The following ATP1A2 variants were observed in gnomAD, a reference collection of about 807,000 sequenced individuals.
The protein encoded by ATP1A2 is sodium/potassium-transporting ATPase subunit alpha-2.
Under a neutral mutation model 113.1 loss-of-function variants are expected in ATP1A2, and 56 were observed. The observed-to-expected ratio is 0.49, with a 90% CI of 0.40 to 0.62. The LOEUF is 0.62. Ranked by LOEUF, ATP1A2 falls within the 20% of genes least tolerant of loss-of-function variation. The probability of loss-of-function intolerance (pLI) is 0.00; values close to 1 mark genes in which losing one functional copy is unlikely to be tolerated. For synonymous variants in ATP1A2, 490 were observed against 526.8 expected, an observed-to-expected ratio of 0.93 and a Z score of 0.96; for missense variants, 712 against 1,357.8, an observed-to-expected ratio of 0.52 and a Z score of 7.47.
intron 3 of ATP1A2, 95 bp from the exon 4 acceptor site, chr1:160,123,118 C>A: frequency 7.1e-7 from 1 of 1,417,434 alleles, no homozygotes; most frequent in Non-Finnish European, 9.8e-7. Flanking sequence ...TCCTTCTGGG[C>A]ATTCTTCCCA....
chr1:160,131,347 A>C (rs753281019), intron 13 of ATP1A2, among the ~76,000 whole-genome samples: 1 of 152,190 alleles, frequency 6.6e-6, no homozygotes, highest in South Asian at 2.1e-4. Flanking sequence ...CAAAGAGGGA[A>C]ACTGAGGCAC....
chr1:160,138,060 G>A (rs976810319), intron 20 of ATP1A2, among the ~76,000 whole-genome samples: 4 of 152,198 alleles, frequency 2.6e-5, no homozygotes, highest in Admixed American at 6.5e-5. Flanking sequence ...GATGACACAC[G>A]AAGGTGGGAA....
In ATP1A2 at chr1:160,142,495, A is replaced by G. The variant is rs1201445144; in HGVS notation, c.*1173A>G. On this transcript the variant is annotated 3_prime_UTR_variant, in exon 23 of 23. Coordinates refer to ENST00000361216, the MANE Select transcript of ATP1A2 (RefSeq NM_000702.4). ...ATGAACATGGTCAGAACCTTTGGAC[A>G]AGAGGAAAAATACTAAGAGATTTGC... 1 of 152,292 alleles carries G rather than the reference A, an allele frequency of 6.6e-6. No individual in the cohort carries two copies. The highest frequency in any genetic ancestry group is 1.5e-5 in the Non-Finnish European group (1 of 68,088). 9.4% of individuals were successfully genotyped at this position (152,292 alleles called of 1,614,324 possible). A position where few individuals can be genotyped will look rare whatever the true frequency, so the allele number is the denominator to read the frequency against.
chr1:160,129,962 G>T, intron 11 of ATP1A2, 140 bp from the exon 12 acceptor site: 2 of 1,086,050 alleles, frequency 1.8e-6, no homozygotes, highest in South Asian at 2.7e-5. Flanking sequence ...ACACCCCCCT[G>T]CACAAGGAGA....
intron 3 of ATP1A2, 120 bp downstream of exon 3, chr1:160,121,371 A>G (rs373881736): frequency 1.1e-5 from 14 of 1,226,252 alleles, no homozygotes; most frequent in East Asian, 2.3e-5. Flanking sequence ...ACTGAGGCCC[A>G]GAAACAAGGA....
Position 160,135,712 on chromosome 1 carries a change from A to G in ATP1A2, c.2284+110A>G. 6.2e-7 allele frequency: 1 copy of G among 1,609,766 alleles called. No individual in the cohort carries two copies. The highest frequency in any genetic ancestry group is 8.5e-7 in the Non-Finnish European group (1 of 1,177,310). On this transcript the variant is annotated intron_variant, in intron 16 of 22. Coordinates refer to ENST00000361216, the MANE Select transcript of ATP1A2 (RefSeq NM_000702.4). This position sits in a 1 kb window ranked among gnomAD's most constrained non-coding sequence, Gnocchi z 6.3. ...ATCATTCCACAACTCTAGGCAGCCC[A>G]GCCCACTTTAGCTTCCCTTGAACAC... is the stretch of plus-strand genomic sequence containing the variant.
In ATP1A2 at chr1:160,131,810, G is replaced by A. The variant is rs903128671; in HGVS notation, c.1827+1213G>A. On this transcript the variant is annotated intron_variant, in intron 13 of 22. Transcript: ENST00000361216. ...TAGGCCACTGCACTCCAGCCTAGGC[G>A]ACAAGAGCAAGACTCCATCTCAAAA... 7.3e-5 allele frequency among the ~76,000 whole-genome samples: 11 copies of A among 149,994 alleles called. No homozygotes were observed. In the South Asian group the frequency reaches 8.4e-4, roughly 11 times the overall value.
In ATP1A2 at chr1:160,136,007, G is replaced by A. The variant is rs199676075; in HGVS notation, c.2439+14G>A. The A allele has an allele frequency of 7.4e-6, 12 of 1,614,134 alleles. No individual in the cohort carries two copies. The East Asian group carries it at 1.8e-4, about 24-fold the overall frequency. On this transcript the variant is annotated intron_variant, in intron 17 of 22. Transcript: ENST00000361216. ...GGCACAGATATGGTGAGCGCAGGAG[G>A]TGGAGGAGGGGACAGGCAAGGCAAT...
Position 160,128,977 on chromosome 1 carries a change from C to T in ATP1A2, c.1217-3C>T. The T allele has an allele frequency of 6.2e-7, 1 of 1,601,384 alleles. No individual in the cohort carries two copies. Among genetic ancestry groups the T allele is most frequent in the Non-Finnish European group, 8.5e-7 (1 of 1,173,160 alleles). ...CTCCTGGTTCCCCCTCATTTCCTCCCAGGGGCCACTTTTGACAAACGATCC... is the reference window on the plus strand; with the variant it reads ...CTCCTGGTTCCCCCTCATTTCCTCCTAGGGGCCACTTTTGACAAACGATCC... On this transcript the variant is annotated splice_region_variant and splice_polypyrimidine_tract_variant and intron_variant, in intron 9 of 22. Coordinates refer to ENST00000361216, the MANE Select transcript of ATP1A2 (RefSeq NM_000702.4).
In ATP1A2 at chr1:160,124,553, T is replaced by C. The variant is rs1023420; in HGVS notation, c.630+123T>C. 0.18 allele frequency: 257,086 copies of C among 1,438,180 alleles called. 25,231 individuals carry two copies. The highest frequency in any genetic ancestry group is 0.33 in the East Asian group (13,431 of 40,288). The allele number at this position is 1,438,180 out of a possible 1,614,324, so 89.1% of individuals were successfully genotyped here. The stretch of plus-strand genomic sequence containing the variant: ...GGTCCAAATGTCAACACCATGCCTA[T>C]GCCCCTGCTAAACCTTCTCTCAGTG... On this transcript the variant is annotated intron_variant, in intron 6 of 22. Coordinates refer to ENST00000361216, the MANE Select transcript of ATP1A2 (RefSeq NM_000702.4).
chr1:160,119,068 T>C (rs1651281565), intron 1 of ATP1A2, among the ~76,000 whole-genome samples: 1 of 151,832 alleles, frequency 6.6e-6, no homozygotes, highest in South Asian at 2.1e-4. Context: ...TGCAGGTTCA[T>C]GATTGCAGCA....
chr1:160,131,021 A>C (rs1472645938), intron 13 of ATP1A2, among the ~76,000 whole-genome samples: 2 of 151,822 alleles, frequency 1.3e-5, no homozygotes, highest in Non-Finnish European at 2.9e-5. Flanking sequence ...AATGCCTCCC[A>C]CTCAAGGTTC....
At chr1:160,131,803 C>T (rs893667871) in intron 13 of ATP1A2, among the ~76,000 whole-genome samples, 18 of 151,740 alleles carry the variant, frequency 1.2e-4, no homozygotes, top group Non-Finnish European at 2.4e-4. Context: ...TGCACTCCAG[C>T]CTAGGCGACA....
chr1:160,121,203 G>A lies in ATP1A2; in HGVS notation c.129G>A (p.Lys43=), dbSNP rs61734527. ...CCTCCCTTCCCCAGGATGACCACAA[G>A]CTGTCCTTGGATGAGCTGGGCCGCA... is the stretch of plus-strand genomic sequence containing the variant. ...LKKEVAMDDH[K]LSLDELGRKY... Residue 43 remains lysine (K), a synonymous_variant, in exon 3 of 23, where the codon AAG becomes AAA. Transcript: ENST00000361216. 2,277 of 1,614,216 alleles carry A rather than the reference G, an allele frequency of 1.4e-3. 27 individuals carry two copies. The African/African-American group carries it at 0.026, about 18-fold the overall frequency.
intron 13 of ATP1A2, 49 bp downstream of exon 13, chr1:160,130,646 G>A: frequency 1.9e-6 from 3 of 1,612,866 alleles, no homozygotes; most frequent in South Asian, 1.1e-5. Context: ...CCATGCCAGA[G>A]TTCAAGGAGC....
At chr1:160,118,259 G>T (rs1651252716) in intron 1 of ATP1A2, among the ~76,000 whole-genome samples, 1 of 152,126 alleles carries the variant, frequency 6.6e-6, no homozygotes, top group Admixed American at 6.5e-5. Context: ...TTTCACATCT[G>T]AATATACAGA....
At chr1:160,115,904 T>C in intron 1 of ATP1A2, 31 bp downstream of exon 1, 1 of 1,598,484 alleles carries the variant, frequency 6.3e-7, no homozygotes, top group Non-Finnish European at 8.5e-7. Flanking sequence ...GGGGTCGCAG[T>C]CTAGAGGGTG....
intron 20 of ATP1A2, among the ~76,000 whole-genome samples, chr1:160,138,983 A>G (rs1291303368): frequency 6.6e-6 from 1 of 152,194 alleles, no homozygotes; most frequent in Non-Finnish European, 1.5e-5. Context: ...CATTTGATAG[A>G]GAAGGAACGT....
rs1277585267 is a variant in ATP1A2 at position 160,124,075 on chromosome 1, G to T, written c.495+19G>T. The T allele has an allele frequency of 1.9e-6, 3 of 1,612,622 alleles. No individual in the cohort carries two copies. Among genetic ancestry groups the T allele is most frequent in the South Asian group, 2.2e-5 (2 of 91,050 alleles). ...ACCTCAGGTAAGATGGCAGGGCTGGGCTCTGGGCTAGGCTGTAAGGTTTTG... is the reference window on the plus strand; with the variant it reads ...ACCTCAGGTAAGATGGCAGGGCTGGTCTCTGGGCTAGGCTGTAAGGTTTTG... On this transcript the variant is annotated intron_variant, in intron 5 of 22. Transcript: ENST00000361216.
Sources: allele counts gnomAD v4.1 joint callset (sites outside exome capture counted in the v4.1 genomes callset), GRCh38; gene constraint gnomAD v4.1.1; non-coding constraint Gnocchi (gnomAD v3.1); transcripts MANE v1.5; gene names NCBI Gene and HGNC (gene_info 2026-07-23, HGNC 2026-07-21).